Variants in ROBO1 observed in about 807,000 individuals in gnomAD.
ROBO1 encodes roundabout homolog 1.
In ROBO1, 149 loss-of-function variants were observed where a neutral mutation model predicts 195.9. That is an observed-to-expected ratio of 0.76 (90% CI 0.67 to 0.87). The LOEUF (loss-of-function observed/expected upper bound fraction) is 0.87. ROBO1 is among the 40% of genes least tolerant of loss of function. The probability of loss-of-function intolerance (pLI) is 0.00; values close to 1 mark genes in which losing one functional copy is unlikely to be tolerated. For missense variants in ROBO1, 1,933 were observed against 2,068.3 expected, an observed-to-expected ratio of 0.93 and a Z score of 1.27; for synonymous variants, 816 against 733.2, an observed-to-expected ratio of 1.11 and a Z score of -1.82.
intron 4 of ROBO1, among the ~76,000 whole-genome samples, chr3:78,775,796 TTTGA>T (rs1325222209): frequency 6.6e-6 from 1 of 152,238 alleles, no homozygotes; most frequent in African/African-American, 2.4e-5. Context: ...ATTTTTGGCC[TTTGA>T]TTGAAAACTG....
intron 1 of ROBO1, among the ~76,000 whole-genome samples, chr3:79,629,526 C>T (rs1945275741): frequency 6.6e-6 from 1 of 151,690 alleles, no homozygotes; most frequent in Admixed American, 6.6e-5. Context: ...CATTAAATGC[C>T]TACATCAAAA....
Position 78,668,676 on chromosome 3 carries a change from T to A in ROBO1, c.1549-111A>T, listed in dbSNP as rs926153630. 8.3e-6 allele frequency: 7 copies of A among 838,546 alleles called. No individual in the cohort carries two copies. In the African/African-American group the frequency reaches 1.0e-4, roughly 12 times the overall value. 51.9% of individuals were successfully genotyped at this position (838,546 alleles called of 1,614,324 possible). A position where few individuals can be genotyped will look rare whatever the true frequency, so the allele number is the denominator to read the frequency against. ...ATGAATATGGATAACTGCATTAAAATTCACTAACCAGAAACTTCCCCTTAG... is the reference window on the plus strand; with the variant it reads ...ATGAATATGGATAACTGCATTAAAAATCACTAACCAGAAACTTCCCCTTAG... On this transcript the variant is annotated intron_variant, in intron 11 of 30. Coordinates refer to ENST00000464233, the MANE Select transcript of ROBO1 (RefSeq NM_002941.4).
intron 2 of ROBO1, among the ~76,000 whole-genome samples, chr3:79,267,441 G>A (rs1015706164): frequency 1.3e-5 from 2 of 151,324 alleles, no homozygotes. Context: ...ATTGTACCTA[G>A]TTATGTGATG....
rs113926534 is a variant in ROBO1 at position 79,043,681 on chromosome 3, G to T, written c.172+81775C>A. On this transcript the variant is annotated intron_variant, in intron 3 of 30. Transcript: ENST00000464233. ...TTTGTTTATATTTCCACATCATTAT[G>T]CTAGATTTAAGCTGTCAAACTAAGT... Among the ~76,000 whole-genome samples the T allele has an allele frequency of 6.1e-4, 93 of 152,186 alleles. 1 individual carries two copies. Among genetic ancestry groups the T allele is most frequent in the African/African-American group, 2.1e-3 (88 of 41,538 alleles).
intron 1 of ROBO1, among the ~76,000 whole-genome samples, chr3:79,717,794 A>T (rs950422001): frequency 2.0e-5 from 3 of 152,030 alleles, no homozygotes; most frequent in African/African-American, 7.2e-5. Flanking sequence ...GTTACACTAG[A>T]TTATGTGTTT....
intron 4 of ROBO1, among the ~76,000 whole-genome samples, chr3:78,897,522 T>C (rs989246313): frequency 6.6e-6 from 1 of 152,196 alleles, no homozygotes; most frequent in South Asian, 2.1e-4. Flanking sequence ...TTAATTACAA[T>C]CTTAAATTAA....
At chr3:79,271,921 GA>G (rs1267387083) in intron 2 of ROBO1, among the ~76,000 whole-genome samples, 1 of 151,826 alleles carries the variant, frequency 6.6e-6, no homozygotes, top group East Asian at 1.9e-4. Flanking sequence ...GTGGATTCTG[GA>G]ATACATTATT....
intron 1 of ROBO1, among the ~76,000 whole-genome samples, chr3:79,738,103 T>C (rs897401088): frequency 6.6e-6 from 1 of 152,130 alleles, no homozygotes; most frequent in Admixed American, 6.6e-5. Flanking sequence ...ATTTTATTTT[T>C]TCAGAAGGCT....
chr3:79,416,928 AAGT>A (rs2038028671), intron 2 of ROBO1, among the ~76,000 whole-genome samples: 1 of 152,186 alleles, frequency 6.6e-6, no homozygotes. Flanking sequence ...CAGTTTTGTG[AAGT>A]TAGGCTGATC....
In ROBO1 at chr3:79,369,139, A is replaced by C. The variant is rs1031430476; in HGVS notation, c.88+220685T>G. Among the ~76,000 whole-genome samples, 8 of 152,320 alleles carry C rather than the reference A, an allele frequency of 5.3e-5. No homozygotes were observed. In the South Asian group the frequency reaches 1.2e-3, roughly 24 times the overall value. ...TGAGAAAATATTGTTTTGTGTATACATCATCAAAATGAACAATCTTAAACC... is the reference window on the plus strand; with the variant it reads ...TGAGAAAATATTGTTTTGTGTATACCTCATCAAAATGAACAATCTTAAACC... On this transcript the variant is annotated intron_variant, in intron 2 of 30. Coordinates refer to ENST00000464233, the MANE Select transcript of ROBO1 (RefSeq NM_002941.4).
At chr3:78,819,062 G>A (rs535456527) in intron 4 of ROBO1, among the ~76,000 whole-genome samples, 2 of 152,162 alleles carry the variant, frequency 1.3e-5, no homozygotes, top group East Asian at 1.9e-4. Context: ...GCGACCATTG[G>A]GGGTCTTGGA....
chr3:79,291,888 G>A (rs2032274130), intron 2 of ROBO1, among the ~76,000 whole-genome samples: 1 of 152,128 alleles, frequency 6.6e-6, no homozygotes, highest in Non-Finnish European at 1.5e-5. Context: ...TTAAGAGGAG[G>A]AGAATACACT....
intron 4 of ROBO1, among the ~76,000 whole-genome samples, chr3:78,836,463 G>C (rs1226150971): frequency 7.3e-6 from 1 of 136,944 alleles, no homozygotes; most frequent in African/African-American, 2.8e-5. Flanking sequence ...AGTGAGCCAG[G>C]ATCATGCCAC....
intron 2 of ROBO1, among the ~76,000 whole-genome samples, chr3:79,548,595 T>C (rs11926057): frequency 0.24 from 36,325 of 152,138 alleles, 4,914 homozygotes; most frequent in African/African-American, 0.36. Flanking sequence ...ACTTATTTCA[T>C]TAATAATTTT....
chr3:79,573,130 G>A (rs1416078500), intron 2 of ROBO1, among the ~76,000 whole-genome samples: 2 of 152,110 alleles, frequency 1.3e-5, no homozygotes, highest in African/African-American at 2.4e-5. Context: ...GCTCACTGCA[G>A]CCTCCATCGG....
At chr3:78,892,422 C>T (rs2036960080) in intron 4 of ROBO1, among the ~76,000 whole-genome samples, 1 of 152,114 alleles carries the variant, frequency 6.6e-6, no homozygotes, top group South Asian at 2.1e-4. Flanking sequence ...AAAGCCCAGC[C>T]CTGATTGGCC....
At chr3:79,533,853 AGAAAGATGTCCATATCCCAATTCCTG>A (rs1351305960) in intron 2 of ROBO1, among the ~76,000 whole-genome samples, 1 of 152,138 alleles carries the variant, frequency 6.6e-6, no homozygotes. Context: ...AGTGGTAAGC[AGAAAGATGTCCATATCCCAATTCCTG>A]GAAATTGTGA....
chr3:79,271,309 T>C (rs1000664152), intron 2 of ROBO1, among the ~76,000 whole-genome samples: 1 of 151,976 alleles, frequency 6.6e-6, no homozygotes, highest in Non-Finnish European at 1.5e-5. Context: ...GTCTGTTTTA[T>C]TATAACCACT....
At chr3:78,863,338 C>T (rs2034967991) in intron 4 of ROBO1, among the ~76,000 whole-genome samples, 1 of 152,158 alleles carries the variant, frequency 6.6e-6, no homozygotes, top group Non-Finnish European at 1.5e-5. Flanking sequence ...AAACTCTCTC[C>T]TATTTTATAT....
Sources: gnomAD v4.1 joint callset for allele counts (sites outside exome capture counted in the v4.1 genomes callset) on GRCh38, gnomAD v4.1.1 for gene constraint, MANE v1.5 for transcripts, NCBI Gene and HGNC (gene_info 2026-07-23, HGNC 2026-07-21) for gene names.